AK3: variants seen among roughly 807,000 people sequenced by gnomAD.
The protein encoded by AK3 is adenylate kinase 3, also known as GTP:AMP phosphotransferase AK3, mitochondrial.
Under a neutral mutation model 23.7 loss-of-function variants are expected in AK3, and 27 were observed. The ratio of observed to expected loss-of-function variants is 1.14; its 90% CI spans 0.84 to 1.57. AK3 has a LOEUF of 1.57. AK3 is among the 40% of genes most tolerant of loss of function. The pLI, the probability that AK3 is intolerant of heterozygous loss-of-function variation, is 0.00. For synonymous variants in AK3, 159 were observed against 116.0 expected (o/e 1.37, Z -2.38); for missense variants, 406 against 285.6 (o/e 1.42, Z -3.04).
rs763692807 is a variant in AK3, at chr9:4,712,932, G to C, written c.*44C>G. 1 of 1,596,248 alleles carries C rather than the reference G, an allele frequency of 6.3e-7. No individual in the cohort carries two copies. The highest frequency in any genetic ancestry group is 8.5e-7 in the Non-Finnish European group (1 of 1,170,630). Reference sequence around the variant, plus strand: ...AAGCAGCTTCTAAATGCAAGGACTAGGAGGTTTGCCCATCTTACTATTAAT... The same window carrying C: ...AAGCAGCTTCTAAATGCAAGGACTACGAGGTTTGCCCATCTTACTATTAAT... On this transcript the variant is annotated 3_prime_UTR_variant, in exon 5 of 5. Coordinates refer to ENST00000381809, the MANE Select transcript of AK3 (RefSeq NM_016282.4).
intron 4 of AK3, among the ~76,000 whole-genome samples, chr9:4,714,167 TCCACAC>T (rs1841653935): frequency 4.0e-5 from 1 of 24,946 alleles, no homozygotes; most frequent in African/African-American, 1.2e-4. Context: ...TACACACACC[TCCACAC>T]ATACGCCTCC....
intron 1 of AK3, among the ~76,000 whole-genome samples, chr9:4,737,084 A>G (rs887747107): frequency 6.9e-6 from 1 of 144,302 alleles, no homozygotes; most frequent in African/African-American, 2.4e-5. Context: ...TATTCACTAT[A>G]TAGTTTTTTT....
intron 1 of AK3, among the ~76,000 whole-genome samples, chr9:4,734,401 C>T (rs1447560535): frequency 6.6e-6 from 1 of 152,210 alleles, no homozygotes; most frequent in Non-Finnish European, 1.5e-5. Context: ...GCTCCCATGC[C>T]CACACTCTGT....
At chr9:4,739,679 C>T (rs1037902809) in intron 1 of AK3, among the ~76,000 whole-genome samples, 2 of 151,954 alleles carry the variant, frequency 1.3e-5, no homozygotes, top group Non-Finnish European at 2.9e-5. Context: ...CGCCTGTAAT[C>T]CGAGCACTTT....
chr9:4,723,448 ATTATG>A (rs1158550736), intron 1 of AK3, among the ~76,000 whole-genome samples: 1 of 152,182 alleles, frequency 6.6e-6, no homozygotes, highest in Non-Finnish European at 1.5e-5. Flanking sequence ...TAGTATTGTG[ATTATG>A]TTATATTTTT....
intron 1 of AK3, among the ~76,000 whole-genome samples, chr9:4,726,275 C>T (rs2130893976): frequency 6.6e-6 from 1 of 152,238 alleles, no homozygotes; most frequent in South Asian, 2.1e-4. Context: ...TCTGTCTCAT[C>T]AACTGACTCT....
At chr9:4,720,655 A>C (rs1478846456) in intron 2 of AK3, among the ~76,000 whole-genome samples, 2 of 150,474 alleles carry the variant, frequency 1.3e-5, no homozygotes, top group Non-Finnish European at 1.5e-5. Context: ...ACTCCATTGC[A>C]CTGCAGCCTG....
In AK3 at chr9:4,724,846, G is replaced by T. The variant is rs747734480; in HGVS notation, c.152-2221C>A. On this transcript the variant is annotated intron_variant, in intron 1 of 4. Transcript: ENST00000381809. ...TAACCTTTCAAATTTATAGTAAACT[G>T]ATTTTTAATAGGATGCCAAAATAAA... Among the ~76,000 whole-genome samples, 88 of 151,816 alleles carry T rather than the reference G, an allele frequency of 5.8e-4. 2 individuals are homozygous for T. Among genetic ancestry groups the T allele is most frequent in the Non-Finnish European group, 2.9e-4 (20 of 67,972 alleles).
chr9:4,734,967 A>C (rs977172320), intron 1 of AK3, among the ~76,000 whole-genome samples: 1 of 151,768 alleles, frequency 6.6e-6, no homozygotes, highest in Non-Finnish European at 1.5e-5. Context: ...AAGAGACAGG[A>C]GGTGAGTTGG....
chr9:4,737,895 T>TA (rs1262471778), intron 1 of AK3, among the ~76,000 whole-genome samples: 1 of 152,122 alleles, frequency 6.6e-6, no homozygotes, highest in Non-Finnish European at 1.5e-5. Context: ...TTTTAAACCT[T>TA]AGCTATAAAA....
intron 1 of AK3, among the ~76,000 whole-genome samples, chr9:4,730,181 G>A (rs1446402271): frequency 6.6e-6 from 1 of 152,144 alleles, no homozygotes; most frequent in Admixed American, 6.5e-5. Context: ...GAGGGTTGGG[G>A]AGAAATGGGT....
At position 4,740,971 on chromosome 9, in the gene AK3, C is replaced by A; in HGVS notation, c.117G>T (p.Gly39=). The change falls in exon 1 of 5, where the codon GGG becomes GGT. Residue 39 remains glycine (G), a synonymous_variant. Transcript: ENST00000381809. ...THFELKHLSS[G]DLLRDNMLRG... Reference sequence around the variant, plus strand: ...GCAGCATGTTGTCCCGGAGCAGGTCCCCGCTGGAGAGGTGCTTCAGCTCGA... The same window carrying A: ...GCAGCATGTTGTCCCGGAGCAGGTCACCGCTGGAGAGGTGCTTCAGCTCGA... 6.3e-7 allele frequency: 1 copy of A among 1,584,154 alleles called. No individual in the cohort carries two copies. The highest frequency in any genetic ancestry group is 8.6e-7 in the Non-Finnish European group (1 of 1,167,500).
intron 1 of AK3, among the ~76,000 whole-genome samples, chr9:4,737,075 A>T (rs897956190): frequency 2.1e-5 from 3 of 142,828 alleles, no homozygotes; most frequent in Non-Finnish European, 1.6e-5. Flanking sequence ...TTGAACTATT[A>T]TTCACTATAT....
At chr9:4,728,150 G>A (rs1295715674) in intron 1 of AK3, among the ~76,000 whole-genome samples, 3 of 152,160 alleles carry the variant, frequency 2.0e-5, no homozygotes, top group Non-Finnish European at 4.4e-5. Flanking sequence ...AAATAGAAAT[G>A]GGAAGTGCGT....
intron 4 of AK3, 126 bp downstream of exon 4, chr9:4,718,293 T>C (rs1419561464): frequency 4.2e-6 from 3 of 714,360 alleles, no homozygotes; most frequent in East Asian, 5.1e-5. Flanking sequence ...TGTATTTCCT[T>C]TATTACTTAA....
intron 1 of AK3, among the ~76,000 whole-genome samples, chr9:4,734,373 A>C (rs1045593622): frequency 2.0e-5 from 3 of 152,224 alleles, no homozygotes; most frequent in African/African-American, 7.2e-5. Context: ...ACTAACACAC[A>C]TGTCCATCTG....
At chr9:4,740,493 C>G (rs1842402645) in intron 1 of AK3, among the ~76,000 whole-genome samples, 1 of 151,990 alleles carries the variant, frequency 6.6e-6, no homozygotes, top group African/African-American at 2.4e-5. Flanking sequence ...CTTAACCACA[C>G]CAAAAAAGAA....
intron 1 of AK3, among the ~76,000 whole-genome samples, chr9:4,739,100 C>T (rs1374816308): frequency 6.6e-6 from 1 of 151,898 alleles, no homozygotes; most frequent in East Asian, 1.9e-4. Context: ...GTTAACCTGA[C>T]CCCAACCAGT....
Position 4,741,192 on chromosome 9 carries a change from A to T in AK3, c.-105T>A. The T allele has an allele frequency of 8.1e-7, 1 of 1,233,608 alleles. No homozygotes were observed. Among genetic ancestry groups the T allele is most frequent in the Non-Finnish European group, 1.0e-6 (1 of 958,482 alleles). The allele number at this position is 1,233,608 out of a possible 1,614,324, so 76.4% of individuals were successfully genotyped here. ...CCGGCCGGCTAGCAGCGCCACTAGCAGGCGGCTACTGCGGTTCCCCGGCGT... is the reference window on the plus strand; with the variant it reads ...CCGGCCGGCTAGCAGCGCCACTAGCTGGCGGCTACTGCGGTTCCCCGGCGT... On this transcript the variant is annotated 5_prime_UTR_variant, in exon 1 of 5. Transcript: ENST00000381809.
Sources: gnomAD v4.1 joint callset for allele counts (sites outside exome capture counted in the v4.1 genomes callset) on GRCh38, gnomAD v4.1.1 for gene constraint, MANE v1.5 for transcripts, NCBI Gene and HGNC (gene_info 2026-07-23, HGNC 2026-07-21) for gene names.